The following ELMO1 variants were observed in gnomAD, a reference collection of about 807,000 sequenced individuals.
ELMO1 encodes the protein engulfment and cell motility 1.
In ELMO1, 26 loss-of-function variants were observed where a neutral mutation model predicts 98.9. The observed-to-expected ratio is 0.26, with a 90% CI of 0.19 to 0.36. The LOEUF is 0.36. Among genes scored for constraint, ELMO1 ranks in the 10% least tolerant of loss-of-function variants. ELMO1 has a pLI of 1.00. For synonymous variants in ELMO1, 346 were observed against 346.0 expected (o/e 1.00, Z 0.00); for missense variants, 627 against 935.2 (o/e 0.67, Z 4.30).
chr7:37,177,046 G>C (rs2129920841), intron 13 of ELMO1, among the ~76,000 whole-genome samples: 1 of 152,252 alleles, frequency 6.6e-6, no homozygotes, highest in Middle Eastern at 3.4e-3. Context: ...TTACAAACTA[G>C]ATAAAAGGTG....
intron 16 of ELMO1, among the ~76,000 whole-genome samples, chr7:36,980,939 A>G (rs1466703923): frequency 6.6e-6 from 1 of 152,224 alleles, no homozygotes; most frequent in South Asian, 2.1e-4. Context: ...AAAAGAAAGA[A>G]GTTGTAAAGG....
intron 4 of ELMO1, among the ~76,000 whole-genome samples, chr7:37,283,567 T>C (rs1797247446): frequency 6.6e-6 from 1 of 152,218 alleles, no homozygotes; most frequent in Non-Finnish European, 1.5e-5. Flanking sequence ...GCCTTGAAGT[T>C]AGGTGTAGGC....
At chr7:37,271,946 G>A in intron 4 of ELMO1, 64 bp from the exon 5 acceptor site, 2 of 1,424,024 alleles carry the variant, frequency 1.4e-6, no homozygotes, top group Non-Finnish European at 2.0e-6. Context: ...AGAGAACAAA[G>A]GCAAATATAA....
chr7:37,417,480 G>A (rs146323548), intron 1 of ELMO1, among the ~76,000 whole-genome samples: 19 of 152,310 alleles, frequency 1.2e-4, no homozygotes, highest in African/African-American at 4.6e-4. Flanking sequence ...CTAACATGGT[G>A]AAACCCTGCC....
intron 4 of ELMO1, among the ~76,000 whole-genome samples, chr7:37,301,178 AAAGGAG>A (rs1798322706): frequency 6.6e-6 from 1 of 152,122 alleles, no homozygotes; most frequent in Non-Finnish European, 1.5e-5. Context: ...ATAACTCAAT[AAAGGAG>A]ATGGTAGTGA....
At chr7:37,330,907 T>C (rs540382544) in intron 2 of ELMO1, among the ~76,000 whole-genome samples, 1 of 152,300 alleles carries the variant, frequency 6.6e-6, no homozygotes, top group South Asian at 2.1e-4. Context: ...AGTGCTGCCA[T>C]ACCATGATAG....
chr7:37,110,905 T>G (rs1284505724), intron 14 of ELMO1, among the ~76,000 whole-genome samples: 3 of 152,182 alleles, frequency 2.0e-5, no homozygotes, highest in African/African-American at 7.2e-5. Flanking sequence ...CGTAGGGGAT[T>G]TTTTGGTAAG....
At chr7:37,381,551 A>G (rs1802581785) in intron 1 of ELMO1, among the ~76,000 whole-genome samples, 3 of 152,240 alleles carry the variant, frequency 2.0e-5, no homozygotes, top group African/African-American at 7.2e-5. Context: ...ATCCCAGAGT[A>G]CTTACAATAA....
At chr7:37,060,805 G>A (rs1399664707) in intron 15 of ELMO1, among the ~76,000 whole-genome samples, 2 of 151,884 alleles carry the variant, frequency 1.3e-5, no homozygotes, top group African/African-American at 4.8e-5. Context: ...AAATTAATTT[G>A]TCAAAAATTT....
rs369739454 is a variant in ELMO1 at position 37,444,519 on chromosome 7, A to AT, written c.-74+4155dup. On this transcript the variant is annotated intron_variant, in intron 1 of 21. Transcript: ENST00000310758. ...ACTGGCAAGTTCTACAAATAGTGGC[A>AT]TTTTTTTTTTTGAGATGGAGTCTTG... Among the ~76,000 whole-genome samples, 534 of 148,288 alleles carry AT rather than the reference A, an allele frequency of 3.6e-3. 4 individuals carry two copies. The highest frequency in any genetic ancestry group is 0.011 in the African/African-American group (450 of 40,500).
intron 13 of ELMO1, among the ~76,000 whole-genome samples, chr7:37,209,815 C>T (rs1389615111): frequency 6.6e-6 from 1 of 152,140 alleles, no homozygotes; most frequent in Admixed American, 6.5e-5. Context: ...AGGAAACTCA[C>T]CCGCTCCACC....
At chr7:36,997,285 G>GT (rs1190748650) in intron 16 of ELMO1, among the ~76,000 whole-genome samples, 1 of 152,128 alleles carries the variant, frequency 6.6e-6, no homozygotes, top group African/African-American at 2.4e-5. Flanking sequence ...AAATGATTTT[G>GT]TTTTTTTCTG....
intron 13 of ELMO1, among the ~76,000 whole-genome samples, chr7:37,158,015 T>A (rs1166280191): frequency 6.6e-6 from 1 of 152,122 alleles, no homozygotes; most frequent in Non-Finnish European, 1.5e-5. Flanking sequence ...TCTACAACCA[T>A]CTGATCTTTG....
At chr7:37,076,489 A>C (rs972313069) in intron 15 of ELMO1, among the ~76,000 whole-genome samples, 4 of 152,228 alleles carry the variant, frequency 2.6e-5, no homozygotes, top group Non-Finnish European at 5.9e-5. Flanking sequence ...TTAAGGGAAA[A>C]ACAACACAGT....
intron 16 of ELMO1, among the ~76,000 whole-genome samples, chr7:36,919,910 C>G (rs1470691321): frequency 6.6e-6 from 1 of 152,162 alleles, no homozygotes. Context: ...TTATGTGAAC[C>G]ATTCAGAACT....
intron 1 of ELMO1, among the ~76,000 whole-genome samples, chr7:37,354,382 G>A (rs1801409407): frequency 6.6e-6 from 1 of 152,222 alleles, no homozygotes; most frequent in African/African-American, 2.4e-5. Context: ...TCTTCAAGCA[G>A]CAGCTATTCA....
intron 6 of ELMO1, among the ~76,000 whole-genome samples, chr7:37,254,861 A>G (rs758103557): frequency 6.6e-6 from 1 of 152,198 alleles, no homozygotes; most frequent in Non-Finnish European, 1.5e-5. Context: ...CAATATTGAC[A>G]TTCTCTCACA....
chr7:37,064,130 A>C (rs1018201724), intron 15 of ELMO1, among the ~76,000 whole-genome samples: 2 of 152,198 alleles, frequency 1.3e-5, no homozygotes, highest in African/African-American at 4.8e-5. Context: ...CACTACAGTC[A>C]GGATCCAAAC....
intron 16 of ELMO1, among the ~76,000 whole-genome samples, chr7:36,969,313 T>C (rs73688411): frequency 0.015 from 2,348 of 152,270 alleles, 16 homozygotes; most frequent in Middle Eastern, 0.034. Context: ...TAGATTATAT[T>C]TTAACATACT....
Sources: allele counts gnomAD v4.1 joint callset (sites outside exome capture counted in the v4.1 genomes callset), GRCh38; gene constraint gnomAD v4.1.1; transcripts MANE v1.5; gene names NCBI Gene and HGNC (gene_info 2026-07-23, HGNC 2026-07-21).